APBA1: variants seen among roughly 807,000 people sequenced by gnomAD.
The protein encoded by APBA1 is amyloid-beta A4 precursor protein-binding family A member 1.
APBA1 carries 55 observed loss-of-function variants against 86.6 expected under a neutral mutation model. That is an observed-to-expected ratio of 0.64 (90% CI 0.51 to 0.80). The LOEUF is 0.80. APBA1 is among the 30% of genes least tolerant of loss of function. The pLI is 0.00. For synonymous variants in APBA1, 511 were observed against 493.9 expected, an observed-to-expected ratio of 1.03 and a Z score of -0.46; for missense variants, 1,090 against 1,183.0, an observed-to-expected ratio of 0.92 and a Z score of 1.15.
intron 2 of APBA1, among the ~76,000 whole-genome samples, chr9:69,495,783 C>T (rs1375697293): frequency 3.3e-5 from 5 of 151,990 alleles, no homozygotes; most frequent in South Asian, 2.1e-4. Flanking sequence ...GTGGAAGGAA[C>T]GGGTGGGAGT....
Position 69,456,977 on chromosome 9 carries a change from G to A in APBA1, c.1602+76C>T, listed in dbSNP as rs142192144. 641 of 1,255,078 alleles carry A rather than the reference G, an allele frequency of 5.1e-4. 3 individuals are homozygous for A. The African/African-American group carries it at 8.5e-3, about 17-fold the overall frequency. 77.7% of individuals were successfully genotyped at this position (1,255,078 alleles called of 1,614,324 possible). A position where few individuals can be genotyped will look rare whatever the true frequency, so the allele number is the denominator to read the frequency against. ...ACAGCTGCTCTACAGACACATGCCT[G>A]CTCTACAGACACATGCATCTCTGAG... On this transcript the variant is annotated intron_variant, in intron 7 of 12. Coordinates refer to ENST00000265381, the MANE Select transcript of APBA1 (RefSeq NM_001163.4).
chr9:69,452,854 G>A (rs796917842), intron 8 of APBA1, among the ~76,000 whole-genome samples: 3 of 152,334 alleles, frequency 2.0e-5, no homozygotes, highest in African/African-American at 7.2e-5. Context: ...CAGCGCTGCT[G>A]TGATATCTGT....
chr9:69,574,401 T>A (rs1044169731), intron 1 of APBA1, among the ~76,000 whole-genome samples: 1 of 152,180 alleles, frequency 6.6e-6, no homozygotes, highest in Admixed American at 6.5e-5. Context: ...GCAAACAACT[T>A]TACTTGCTTC....
intron 1 of APBA1, among the ~76,000 whole-genome samples, chr9:69,591,401 G>A (rs940829023): frequency 2.4e-4 from 37 of 152,132 alleles, no homozygotes; most frequent in Admixed American, 2.4e-3. Context: ...CAGTCTCTTC[G>A]ATTAAGTACA....
intron 2 of APBA1, among the ~76,000 whole-genome samples, chr9:69,511,041 G>C (rs960125792): frequency 1.3e-5 from 2 of 151,588 alleles, no homozygotes; most frequent in Admixed American, 1.3e-4. Context: ...AACACCAAAA[G>C]CAATGGCAAC....
At chr9:69,645,173 G>A (rs1168083370) in intron 1 of APBA1, among the ~76,000 whole-genome samples, 1 of 152,136 alleles carries the variant, frequency 6.6e-6, no homozygotes, top group Non-Finnish European at 1.5e-5. Flanking sequence ...AATTAGTCGA[G>A]GGGTTGAATA....
At chr9:69,557,716 G>A (rs1221749364) in intron 1 of APBA1, among the ~76,000 whole-genome samples, 2 of 152,238 alleles carry the variant, frequency 1.3e-5, no homozygotes, top group Non-Finnish European at 2.9e-5. Flanking sequence ...ATAGGCTGCA[G>A]AATGGTTTCC....
chr9:69,455,260 G>C (rs116624092), intron 8 of APBA1, among the ~76,000 whole-genome samples: 1,817 of 152,238 alleles, frequency 0.012, 29 homozygotes, highest in African/African-American at 0.041. Flanking sequence ...TCTGTGTCAG[G>C]AGGAAAAATG....
chr9:69,604,682 A>G (rs1375925383), intron 1 of APBA1, among the ~76,000 whole-genome samples: 2 of 127,838 alleles, frequency 1.6e-5, no homozygotes, highest in Admixed American at 8.1e-5. Flanking sequence ...GCATATGAGC[A>G]TGGGCACACA....
At chr9:69,442,056 T>C (rs940184797) in intron 10 of APBA1, among the ~76,000 whole-genome samples, 3 of 152,168 alleles carry the variant, frequency 2.0e-5, no homozygotes, top group African/African-American at 7.2e-5. Flanking sequence ...GAAGGTTTGC[T>C]CCTGCAGGCC....
chr9:69,521,051 G>T (rs939873623), intron 1 of APBA1, among the ~76,000 whole-genome samples: 2 of 152,148 alleles, frequency 1.3e-5, no homozygotes, highest in East Asian at 3.9e-4. Flanking sequence ...CATTTTCCAC[G>T]TGACACATTT....
At chr9:69,532,708 C>T (rs528953708) in intron 1 of APBA1, among the ~76,000 whole-genome samples, 1 of 152,306 alleles carries the variant, frequency 6.6e-6, no homozygotes, top group Admixed American at 6.5e-5. Flanking sequence ...CTTCAGTGTA[C>T]AATACCAAAC....
chr9:69,476,891 T>C (rs1056522244), intron 2 of APBA1, among the ~76,000 whole-genome samples: 11 of 152,242 alleles, frequency 7.2e-5, no homozygotes, highest in African/African-American at 2.6e-4. Context: ...TAGACGTGTA[T>C]AGGAAGCTCC....
At chr9:69,561,387 G>A (rs2133938490) in intron 1 of APBA1, among the ~76,000 whole-genome samples, 1 of 152,344 alleles carries the variant, frequency 6.6e-6, no homozygotes, top group East Asian at 1.9e-4. Context: ...CTGCTTTAGG[G>A]ACATTTTAGC....
intron 10 of APBA1, among the ~76,000 whole-genome samples, chr9:69,447,242 A>G (rs1307279804): frequency 6.6e-6 from 1 of 152,144 alleles, no homozygotes; most frequent in East Asian, 1.9e-4. Flanking sequence ...TTTGGAGGGA[A>G]CACAAATATT....
intron 1 of APBA1, among the ~76,000 whole-genome samples, chr9:69,617,572 C>A (rs188775296): frequency 1.3e-5 from 2 of 151,956 alleles, no homozygotes; most frequent in Non-Finnish European, 1.5e-5. Flanking sequence ...AATAAATTCA[C>A]CCCAGATCAT....
chr9:69,655,314 ATG>A (rs1196892488), intron 1 of APBA1, among the ~76,000 whole-genome samples: 1 of 152,108 alleles, frequency 6.6e-6, no homozygotes, highest in Admixed American at 6.5e-5. Flanking sequence ...ACACATATGT[ATG>A]TGTGTATATA....
In APBA1 at chr9:69,489,955, T is replaced by C. The variant is rs1319558501; in HGVS notation, c.1201-13812A>G. Reference sequence around the variant, plus strand: ...ATCTAGAACTAGAAATACCATTTGATCCTGCCATCCCATTACTGGGTATAT... The same window carrying C: ...ATCTAGAACTAGAAATACCATTTGACCCTGCCATCCCATTACTGGGTATAT... On this transcript the variant is annotated intron_variant, in intron 2 of 12. Coordinates refer to ENST00000265381, the MANE Select transcript of APBA1 (RefSeq NM_001163.4). Among the ~76,000 whole-genome samples, 6 of 152,174 alleles carry C rather than the reference T, an allele frequency of 3.9e-5. No homozygotes were observed. In the South Asian group the frequency reaches 6.2e-4, roughly 16 times the overall value.
rs1411377048 is a variant in APBA1 at position 69,516,548 on chromosome 9, G to T, written c.663C>A (p.Asp221Glu). 6.3e-7 allele frequency: 1 copy of T among 1,596,522 alleles called. No individual in the cohort carries two copies. The highest frequency in any genetic ancestry group is 1.1e-5 in the South Asian group (1 of 90,588). The change falls in exon 2 of 13, where the codon GAC (aspartate) becomes GAA (glutamate). Residue 221 changes from aspartate to glutamate, a missense_variant. Physicochemically the swap from Asp to Glu is conservative, Grantham distance 45 (BLOSUM62 2). Transcript: ENST00000265381. This position sits in a 1 kb window ranked among gnomAD's most constrained non-coding sequence, Gnocchi z 7.3. ...DGLRLYEQER[D>E]EAAAYRQEAL... ...CCTCCTGGCGGTACGCGGCCGCCTCGTCGCGCTCCTGCTCGTAGAGCCGCA... is the reference window on the plus strand; with the variant it reads ...CCTCCTGGCGGTACGCGGCCGCCTCTTCGCGCTCCTGCTCGTAGAGCCGCA...
Sources: gnomAD v4.1 joint callset for allele counts (sites outside exome capture counted in the v4.1 genomes callset) on GRCh38, gnomAD v4.1.1 for gene constraint, Gnocchi (gnomAD v3.1) non-coding constraint, MANE v1.5 for transcripts, NCBI Gene and HGNC (gene_info 2026-07-23, HGNC 2026-07-21) for gene names.